Variants in PECAM1 observed in about 807,000 individuals in gnomAD.
PECAM1 encodes the protein platelet and endothelial cell adhesion molecule 1.
A neutral mutation model predicts 13.8 loss-of-function variants in PECAM1; 8 were observed. That is an observed-to-expected ratio of 0.58 (90% CI 0.34 to 1.05). The LOEUF is 1.05. Among genes scored for constraint, PECAM1 ranks in the 50% least tolerant of loss-of-function variants. The probability of loss-of-function intolerance (pLI) is 0.03; values close to 1 mark genes in which losing one functional copy is unlikely to be tolerated. For synonymous variants in PECAM1, 136 were observed against 52.6 expected (o/e 2.58, Z -6.86); for missense variants, 304 against 141.2 (o/e 2.15, Z -5.84).
chr17:64,389,175 C>T (rs2036664372), intron 2 of PECAM1, among the ~76,000 whole-genome samples: 1 of 152,204 alleles, frequency 6.6e-6, no homozygotes, highest in Admixed American at 6.5e-5. Context: ...CTTGACTCAC[C>T]AGCTAGCCTT....
rs980440731 is a variant in PECAM1, at chr17:64,336,729, G to A, written c.2164+4905C>T. Among the ~76,000 whole-genome samples the A allele has an allele frequency of 1.0e-3, 157 of 152,170 alleles. 1 individual carries two copies. The highest frequency in any genetic ancestry group is 3.4e-3 in the Middle Eastern group (1 of 294). ...GCGAATTAGCTGGGCATGGTGGTGC[G>A]TGCCTGTAATCCCAGCTTCTCCAGA... is the stretch of plus-strand genomic sequence containing the variant. On this transcript the variant is annotated intron_variant, in intron 14 of 15. Coordinates refer to ENST00000563924, the MANE Select transcript of PECAM1 (RefSeq NM_000442.5).
Position 64,322,247 on chromosome 17 carries a change from G to C in PECAM1, c.*1569C>G, listed in dbSNP as rs1348478068. ...CTAAAAATACAAAAATTAGCCAGGC[G>C]TGGTGACATGTGCCTGTAATCCCAG... On this transcript the variant is annotated 3_prime_UTR_variant, in exon 16 of 16. Coordinates refer to ENST00000563924, the MANE Select transcript of PECAM1 (RefSeq NM_000442.5). 1.1e-5 allele frequency: 4 copies of C among 369,636 alleles called. No homozygotes were observed. Among genetic ancestry groups the C allele is most frequent in the African/African-American group, 8.8e-5 (4 of 45,264 alleles). 22.9% of individuals were successfully genotyped at this position (369,636 alleles called of 1,614,324 possible).
At chr17:64,380,064 G>A (rs2036448659) in intron 2 of PECAM1, among the ~76,000 whole-genome samples, 1 of 151,694 alleles carries the variant, frequency 6.6e-6, no homozygotes. Flanking sequence ...AGGCGCAGTG[G>A]CTCACGGCTG....
intron 14 of PECAM1, among the ~76,000 whole-genome samples, chr17:64,335,866 A>G (rs1490337047): frequency 6.6e-6 from 1 of 152,222 alleles, no homozygotes; most frequent in Non-Finnish European, 1.5e-5. Flanking sequence ...CATGGAACAA[A>G]AGAAATCTGC....
intron 8 of PECAM1, among the ~76,000 whole-genome samples, 189 bp downstream of exon 8, chr17:64,355,922 C>A (rs1348443506): frequency 6.6e-6 from 1 of 152,036 alleles, no homozygotes; most frequent in Non-Finnish European, 1.5e-5. Context: ...TTATAATAAT[C>A]GATTTCTCTT....
intron 13 of PECAM1, among the ~76,000 whole-genome samples, chr17:64,343,818 G>T (rs1333436577): frequency 6.6e-6 from 1 of 152,224 alleles, no homozygotes; most frequent in East Asian, 1.9e-4. Flanking sequence ...GGCACCAGAT[G>T]TGGGGGCCTC....
At position 64,347,239 on chromosome 17, in the gene PECAM1, C is replaced by T. The variant is rs1384400072; in HGVS notation, c.2107+1021G>A. On this transcript the variant is annotated intron_variant, in intron 13 of 15. Transcript: ENST00000563924. Reference sequence around the variant, plus strand: ...AATTAATTTTTAAAATTATTGAGGCCGAGTGTGGTGGCTCACACCTGTAAT... The same window carrying T: ...AATTAATTTTTAAAATTATTGAGGCTGAGTGTGGTGGCTCACACCTGTAAT... Among the ~76,000 whole-genome samples the T allele has an allele frequency of 1.4e-4, 21 of 151,834 alleles. 2 individuals carry two copies. The highest frequency in any genetic ancestry group is 4.8e-5 in the African/African-American group (2 of 41,304).
At chr17:64,347,843 G>A (rs914801691) in intron 13 of PECAM1, among the ~76,000 whole-genome samples, 4 of 150,886 alleles carry the variant, frequency 2.7e-5, no homozygotes, top group Non-Finnish European at 5.9e-5. Context: ...TGATTCTCCT[G>A]CCTCAGCCTC....
intron 2 of PECAM1, 60 bp from the exon 3 acceptor site, chr17:64,378,177 G>C: frequency 2.3e-6 from 1 of 438,160 alleles, no homozygotes; most frequent in Non-Finnish European, 4.1e-6. Flanking sequence ...CATCATCCCG[G>C]TGACCTTCAC....
intron 7 of PECAM1, among the ~76,000 whole-genome samples, chr17:64,358,026 C>A (rs987424898): frequency 2.4e-3 from 361 of 152,012 alleles, no homozygotes; most frequent in Non-Finnish European, 4.1e-3. Context: ...CACGCTTAGG[C>A]TCAGCCACTT....
At chr17:64,387,949 T>C (rs1221679786) in intron 2 of PECAM1, among the ~76,000 whole-genome samples, 1 of 152,138 alleles carries the variant, frequency 6.6e-6, no homozygotes, top group Non-Finnish European at 1.5e-5. Flanking sequence ...GCCTAAGGAA[T>C]GGAGACCTGG....
chr17:64,323,890 G>A, intron 15 of PECAM1, 45 bp from the exon 16 acceptor site: 1 of 789,984 alleles, frequency 1.3e-6, no homozygotes, highest in Non-Finnish European at 2.3e-6. Context: ...CACCTCTCAA[G>A]ATTGAAGATT....
At chr17:64,345,711 TAAAAAAAAAA>T (rs34143232) in intron 13 of PECAM1, among the ~76,000 whole-genome samples, 1 of 81,650 alleles carries the variant, frequency 1.2e-5, no homozygotes, top group Non-Finnish European at 2.9e-5. Context: ...AAGACTGTCA[TAAAAAAAAAA>T]AAAAAAAAAA....
intron 7 of PECAM1, among the ~76,000 whole-genome samples, chr17:64,358,146 T>G (rs1439818190): frequency 8.0e-6 from 1 of 124,768 alleles, no homozygotes; most frequent in Non-Finnish European, 1.6e-5. Context: ...TGAGATAGAG[T>G]CTCACTCTGT....
At chr17:64,352,264 C>G (rs1181057061) in intron 11 of PECAM1, 126 bp downstream of exon 11, 1 of 409,068 alleles carries the variant, frequency 2.4e-6, no homozygotes, top group African/African-American at 2.1e-5. Flanking sequence ...GATGAAGTAC[C>G]CTGTTGAAGC....
intron 14 of PECAM1, among the ~76,000 whole-genome samples, chr17:64,332,442 G>T (rs1288597077): frequency 6.6e-6 from 1 of 152,192 alleles, no homozygotes; most frequent in Non-Finnish European, 1.5e-5. Flanking sequence ...ACTCAAATAC[G>T]GATGGAACAC....
chr17:64,355,171 A>G (rs2035818732), intron 8 of PECAM1, 131 bp from the exon 9 acceptor site: 1 of 402,272 alleles, frequency 2.5e-6, no homozygotes, highest in South Asian at 1.4e-4. Context: ...AGCTTGCCTT[A>G]GCATCCATCT....
intron 5 of PECAM1, among the ~76,000 whole-genome samples, chr17:64,364,808 G>A (rs2036065807): frequency 6.6e-6 from 1 of 151,616 alleles, no homozygotes; most frequent in South Asian, 2.1e-4. Flanking sequence ...ATTAGGTATT[G>A]ATGGGACGTA....
At chr17:64,387,424 A>G (rs1018397865) in intron 2 of PECAM1, among the ~76,000 whole-genome samples, 1 of 152,172 alleles carries the variant, frequency 6.6e-6, no homozygotes, top group South Asian at 2.1e-4. Flanking sequence ...GACACCAGAT[A>G]AACGGTGGGG....
Sources: allele counts gnomAD v4.1 joint callset (sites outside exome capture counted in the v4.1 genomes callset), GRCh38; gene constraint gnomAD v4.1.1; transcripts MANE v1.5; gene names NCBI Gene and HGNC (gene_info 2026-07-23, HGNC 2026-07-21).